Variants in DCAF6 observed in about 807,000 individuals in gnomAD.
DCAF6 encodes DDB1 and CUL4 associated factor 6.
In DCAF6, 54 loss-of-function variants were observed where a neutral mutation model predicts 125.1. The ratio of observed to expected loss-of-function variants is 0.43; its 90% CI spans 0.35 to 0.54. The LOEUF (loss-of-function observed/expected upper bound fraction) is 0.54. DCAF6 is among the 20% of genes least tolerant of loss of function. DCAF6 has a pLI of 0.01. For synonymous variants in DCAF6, 371 were observed against 390.4 expected, an observed-to-expected ratio of 0.95 and a Z score of 0.58; for missense variants, 934 against 1,161.7, an observed-to-expected ratio of 0.80 and a Z score of 2.85.
At chr1:167,868,652 A>G in the DCAF6 span, among the ~76,000 whole-genome samples, 1 of 152,180 alleles carries the variant, frequency 6.6e-6, no homozygotes, top group East Asian at 1.9e-4. Flanking sequence ...TATTGGCACT[A>G]TTAAACCATC....
the DCAF6 span, among the ~76,000 whole-genome samples, chr1:167,882,757 A>T: frequency 6.6e-6 from 1 of 152,108 alleles, no homozygotes; most frequent in East Asian, 1.9e-4. Context: ...TCAGACGGGG[A>T]TGGCAGACTG....
intron 11 of DCAF6, chr1:168,019,748 CAT>C (rs1685452354): frequency 5.6e-6 from 1 of 177,584 alleles, no homozygotes; most frequent in Non-Finnish European, 1.2e-5. Context: ...GGGTGTAAAA[CAT>C]TGGTGATTAT....
At chr1:168,019,513 A>AT (rs1557985955) in intron 11 of DCAF6, 2 of 454,196 alleles carry the variant, frequency 4.4e-6, no homozygotes, top group Admixed American at 4.7e-5. Context: ...CATATGGCTG[A>AT]TTTTAAGCCC....
the DCAF6 span, chr1:167,918,476 T>C: frequency 5.0e-6 from 3 of 605,716 alleles, no homozygotes; most frequent in East Asian, 3.0e-5. Context: ...AGCTATACAG[T>C]TGTAAACAGA....
chr1:167,881,442 G>C, the DCAF6 span, among the ~76,000 whole-genome samples: 1 of 152,210 alleles, frequency 6.6e-6, no homozygotes, highest in African/African-American at 2.4e-5. Flanking sequence ...TTGATCAACT[G>C]TTAGATCTTA....
At chr1:167,914,850 G>GTAAT in the DCAF6 span, among the ~76,000 whole-genome samples, 2 of 152,212 alleles carry the variant, frequency 1.3e-5, no homozygotes, top group Admixed American at 6.5e-5. Flanking sequence ...GCCCCGCTCT[G>GTAAT]TAATTGTTTA....
Position 167,974,990 on chromosome 1 carries a change from C to T in DCAF6, c.413C>T (p.Thr138Met), listed in dbSNP as rs765811124. 8 of 1,599,100 alleles carry T rather than the reference C, an allele frequency of 5.0e-6. No homozygotes were observed. The highest frequency in any genetic ancestry group is 2.3e-5 in the South Asian group (2 of 87,238). Residue 138 changes from threonine to methionine, a missense_variant, in exon 4 of 22, where the codon ACG (threonine) becomes ATG (methionine). Physicochemically the swap from Thr to Met is moderately conservative, Grantham distance 81 (BLOSUM62 -1). This residue lies in a region of DCAF6 where 309 missense variants were observed against 381.2 expected (regional missense o/e 0.81). Coordinates refer to ENST00000367840, the MANE Select transcript of DCAF6 (RefSeq NM_001198956.2). ...DAETNRQCQF[T>M]CHYGTTYEIM... Reference sequence around the variant, plus strand: ...GAAACCAACAGACAATGCCAATTTACGTGTCATTATGGAACTACTTATGAG... The same window carrying T: ...GAAACCAACAGACAATGCCAATTTATGTGTCATTATGGAACTACTTATGAG...
At chr1:168,047,936 C>T (rs945772852) in intron 16 of DCAF6, among the ~76,000 whole-genome samples, 12 of 152,102 alleles carry the variant, frequency 7.9e-5, no homozygotes, top group African/African-American at 2.9e-4. Context: ...AAAAAGTATA[C>T]TTTTAATATT....
chr1:167,957,062 T>C (rs796531996), intron 2 of DCAF6, among the ~76,000 whole-genome samples: 1 of 152,132 alleles, frequency 6.6e-6, no homozygotes, highest in Non-Finnish European at 1.5e-5. Context: ...ATGATAAACC[T>C]GGTCCATGTG....
At chr1:167,975,314 A>AT (rs1248208249) in intron 4 of DCAF6, among the ~76,000 whole-genome samples, 1 of 152,170 alleles carries the variant, frequency 6.6e-6, no homozygotes, top group Non-Finnish European at 1.5e-5. Context: ...TACCTCTGTT[A>AT]TTGTGCTGCA....
chr1:168,060,819 G>T (rs113459149), intron 17 of DCAF6, among the ~76,000 whole-genome samples: 4,544 of 152,234 alleles, frequency 0.03, 197 homozygotes, highest in African/African-American at 0.099. Flanking sequence ...AACCTGGGAG[G>T]CAGAGGTTGC....
chr1:168,002,742 C>A (rs428694), intron 8 of DCAF6, among the ~76,000 whole-genome samples, 167 bp downstream of exon 8: 1 of 151,600 alleles, frequency 6.6e-6, no homozygotes, highest in African/African-American at 2.4e-5. Flanking sequence ...TGGAATGGCG[C>A]AGTCACTGGA....
At chr1:167,888,886 AAAAAG>A in the DCAF6 span, among the ~76,000 whole-genome samples, 6 of 151,288 alleles carry the variant, frequency 4.0e-5, no homozygotes, top group Non-Finnish European at 7.4e-5. Context: ...AAAAAAAAAA[AAAAAG>A]AAAAAGAAAG....
intron 11 of DCAF6, chr1:168,019,676 T>C: frequency 4.6e-6 from 1 of 217,504 alleles, no homozygotes; most frequent in South Asian, 4.7e-5. Context: ...AGGTAGGAAC[T>C]GTTTTTTCAC....
At chr1:168,037,189 C>T (rs908964138) in intron 12 of DCAF6, among the ~76,000 whole-genome samples, 1 of 150,520 alleles carries the variant, frequency 6.6e-6, no homozygotes, top group Non-Finnish European at 1.5e-5. Context: ...CACTGAGCCC[C>T]GCTGAGATTC....
chr1:167,892,461 A>T, the DCAF6 span, among the ~76,000 whole-genome samples: 1 of 152,210 alleles, frequency 6.6e-6, no homozygotes, highest in Non-Finnish European at 1.5e-5. Flanking sequence ...CCTCTTCACC[A>T]GGTAAACATT....
At chr1:167,934,588 T>A (rs569135081), upstream of DCAF6, among the ~76,000 whole-genome samples, 139 of 152,346 alleles carry the variant, frequency 9.1e-4, no homozygotes, top group Admixed American at 2.9e-3. Context: ...GATGTTCAAT[T>A]CATTCCATTA....
At chr1:168,010,258 C>T (rs950631801) in intron 10 of DCAF6, among the ~76,000 whole-genome samples, 2 of 152,012 alleles carry the variant, frequency 1.3e-5, no homozygotes, top group African/African-American at 2.4e-5. Flanking sequence ...AAAAAATTGT[C>T]TCATTATATA....
intron 9 of DCAF6, among the ~76,000 whole-genome samples, 184 bp downstream of exon 9, chr1:168,004,173 C>T (rs1683021692): frequency 6.6e-6 from 1 of 151,970 alleles, no homozygotes. Context: ...CCTTCTGGTG[C>T]CATTGGACCT....
Sources: gnomAD v4.1 joint callset for allele counts (sites outside exome capture counted in the v4.1 genomes callset) on GRCh38, gnomAD v4.1.1 for gene constraint, gnomAD v4.1.1 regional missense constraint, MANE v1.5 for transcripts, NCBI Gene and HGNC (gene_info 2026-07-23, HGNC 2026-07-21) for gene names.